FBN3: variants seen among roughly 807,000 people sequenced by gnomAD.
FBN3 encodes the protein fibrillin-3.
FBN3 carries 234 observed loss-of-function variants against 330.1 expected under a neutral mutation model. The ratio of observed to expected loss-of-function variants is 0.71; its 90% CI spans 0.64 to 0.79. The LOEUF is 0.79. Among genes scored for constraint, FBN3 ranks in the 30% least tolerant of loss-of-function variants. FBN3 has a pLI of 0.00. For missense variants in FBN3, 3,606 were observed against 3,886.9 expected (o/e 0.93, Z 1.92); for synonymous variants, 1,458 against 1,517.3 (o/e 0.96, Z 0.91).
At chr19:8,145,700 A>AGG (rs2083524561) in intron 5 of FBN3, 143 bp downstream of exon 5, 2 of 537,060 alleles carry the variant, frequency 3.7e-6, no homozygotes, top group Non-Finnish European at 6.4e-6. Flanking sequence ...AAAAAAAAAA[A>AGG]GAGACTGTGG....
rs145578557 is a variant in FBN3 at position 8,118,920 on chromosome 19, G to A, written c.3314C>T (p.Thr1105Met). Reference sequence around the variant, plus strand: ...ACCCTCACAGGCAGTGCCCTTGGCCGTCAGCTCATGCCCAGGGGGACACTG... The same window carrying A: ...ACCCTCACAGGCAGTGCCCTTGGCCATCAGCTCATGCCCAGGGGGACACTG... ...KCQCPPGHEL[T>M]AKGTACEDID... Residue 1105 changes from threonine (T) to methionine (M), a missense_variant, in exon 26 of 64, where the codon ACG becomes ATG. Thr to Met is a moderately conservative substitution (Grantham distance 81, BLOSUM62 -1). Coordinates refer to ENST00000600128, the MANE Select transcript of FBN3 (RefSeq NM_032447.5). The A allele has an allele frequency of 4.0e-5, 65 of 1,612,482 alleles. 1 individual carries two copies. The highest frequency in any genetic ancestry group is 5.0e-5 in the Admixed American group (3 of 59,986).
chr19:8,135,561 T>C (rs2144998207), intron 13 of FBN3, among the ~76,000 whole-genome samples: 2 of 131,812 alleles, frequency 1.5e-5, no homozygotes, highest in South Asian at 2.2e-4. Flanking sequence ...CACTCGGACT[T>C]CTTTTTTTTT....
At chr19:8,086,746 G>C (rs1372957189) in intron 54 of FBN3, among the ~76,000 whole-genome samples, 1 of 151,468 alleles carries the variant, frequency 6.6e-6, no homozygotes, top group South Asian at 2.1e-4. Flanking sequence ...AGGATTACAG[G>C]CGTGAGGCAC....
chr19:8,087,766 G>A (rs891419040), intron 53 of FBN3, 59 bp downstream of exon 53: 6 of 1,477,554 alleles, frequency 4.1e-6, no homozygotes, highest in Non-Finnish European at 5.7e-6. Flanking sequence ...GTGCCACCAT[G>A]CCCAGCTAAT....
chr19:8,120,165 CT>C (rs34799960), intron 25 of FBN3, among the ~76,000 whole-genome samples: 496 of 127,840 alleles, frequency 3.9e-3, no homozygotes, highest in Middle Eastern at 0.016. Flanking sequence ...TTCTTTCTTT[CT>C]TTTTTTTTTT....
In FBN3 at chr19:8,136,072, T is replaced by A. The variant is rs747184956; in HGVS notation, c.1480A>T (p.Ile494Phe). The change falls in exon 13 of 64, where the codon ATT (isoleucine) becomes TTT (phenylalanine). Residue 494 changes from isoleucine (I) to phenylalanine (F), a missense_variant. Physicochemically the swap from Ile to Phe is conservative, Grantham distance 21 (BLOSUM62 0). Coordinates refer to ENST00000600128, the MANE Select transcript of FBN3 (RefSeq NM_032447.5). ...AGGTGACAAAGGCCACCACTGACAATGCACTCGTCCACATCTGCGGGGAAG... is the reference window on the plus strand; with the variant it reads ...AGGTGACAAAGGCCACCACTGACAAAGCACTCGTCCACATCTGCGGGGAAG... The part of the protein sequence containing the change: ...RQACVDVDEC[I>F]VSGGLCHLGR... The A allele has an allele frequency of 1.9e-6, 3 of 1,613,980 alleles. No homozygotes were observed. Among genetic ancestry groups the A allele is most frequent in the Non-Finnish European group, 1.7e-6 (2 of 1,179,942 alleles).
chr19:8,081,397 G>T lies in FBN3; in HGVS notation c.7297C>A (p.Arg2433=), dbSNP rs1599282447. 1 of 1,611,846 alleles carries T rather than the reference G, an allele frequency of 6.2e-7. No individual in the cohort carries two copies. The highest frequency in any genetic ancestry group is 2.2e-5 in the East Asian group (1 of 44,878). The part of the protein sequence containing the change: ...TKGSFLCSCP[R]GYLLEEDGRT... ...CCATCCTCCTCCAGCAGGTAGCCTCGGGGACAGCTGCACAGGAAACTGCCC... is the reference window on the plus strand; with the variant it reads ...CCATCCTCCTCCAGCAGGTAGCCTCTGGGACAGCTGCACAGGAAACTGCCC... Residue 2433 remains arginine (R), a synonymous_variant, in exon 58 of 64, where the codon CGA becomes AGA. Coordinates refer to ENST00000600128, the MANE Select transcript of FBN3 (RefSeq NM_032447.5).
chr19:8,119,672 C>G lies in FBN3; in HGVS notation c.3212-650G>C, dbSNP rs530916868. Among the ~76,000 whole-genome samples the G allele has an allele frequency of 2.0e-5, 3 of 152,024 alleles. No homozygotes were observed. In the South Asian group the frequency reaches 6.2e-4, roughly 32 times the overall value. On this transcript the variant is annotated intron_variant, in intron 25 of 63. Transcript: ENST00000600128. ...GGGATTACAGGCATGCATCACCAAG[C>G]CCAGCTAATTTTTGTATTTTTAGTA... is the stretch of plus-strand genomic sequence containing the variant.
chr19:8,083,333 T>C lies in FBN3; in HGVS notation c.7127A>G (p.His2376Arg). 3 of 1,614,002 alleles carry C rather than the reference T, an allele frequency of 1.9e-6. No homozygotes were observed. Among genetic ancestry groups the C allele is most frequent in the Non-Finnish European group, 2.5e-6 (3 of 1,179,986 alleles). Residue 2376 changes from histidine to arginine, a missense_variant, in exon 57 of 64, where the codon CAT becomes CGT. Physicochemically the swap from His to Arg is conservative, Grantham distance 29. Coordinates refer to ENST00000600128, the MANE Select transcript of FBN3 (RefSeq NM_032447.5). ...ECRMLAHLCA[H>R]GECINSLGSF... is the part of the protein sequence containing the mutation. Reference sequence around the variant, plus strand: ...GCCAAGGCTGTTGATGCACTCCCCATGAGCACACAGGTGAGCAAGCATACG... The same window carrying C: ...GCCAAGGCTGTTGATGCACTCCCCACGAGCACACAGGTGAGCAAGCATACG...
chr19:8,134,731 C>G (rs991355307), intron 13 of FBN3, among the ~76,000 whole-genome samples: 1 of 151,286 alleles, frequency 6.6e-6, no homozygotes, highest in Non-Finnish European at 1.5e-5. Flanking sequence ...GTCAGGAGTT[C>G]GAGACCAGCC....
intron 57 of FBN3, among the ~76,000 whole-genome samples, chr19:8,082,665 C>T (rs959512281): frequency 1.3e-5 from 2 of 151,886 alleles, no homozygotes; most frequent in South Asian, 2.1e-4. Context: ...AGCTAATTTT[C>T]GTATTTTTAG....
intron 59 of FBN3, 103 bp downstream of exon 59, chr19:8,080,900 G>A: frequency 1.3e-6 from 1 of 787,804 alleles, no homozygotes; most frequent in Non-Finnish European, 2.1e-6. Flanking sequence ...GGGATTACAG[G>A]CGTGAGCCAT....
intron 41 of FBN3, among the ~76,000 whole-genome samples, chr19:8,100,593 C>T (rs1599340261): frequency 6.6e-6 from 1 of 152,284 alleles, no homozygotes; most frequent in African/African-American, 2.4e-5. Flanking sequence ...CCACCTCGGC[C>T]TCCCAAAGTG....
At chr19:8,130,476 A>C (rs2144960025) in intron 16 of FBN3, among the ~76,000 whole-genome samples, 1 of 143,496 alleles carries the variant, frequency 7.0e-6, no homozygotes, top group East Asian at 2.0e-4. Context: ...ACGCCACTGC[A>C]CTCCAGCCTG....
chr19:8,073,000 T>TGCGTGC, intron 62 of FBN3, 63 bp downstream of exon 62: 6 of 916,330 alleles, frequency 6.5e-6, no homozygotes, highest in Admixed American at 2.0e-5. Context: ...TGTGTGTGTG[T>TGCGTGC]GTGCGTGCGT....
At position 8,131,310 on chromosome 19, in the gene FBN3, G is replaced by A. The variant is rs1426379382; in HGVS notation, c.1991-22C>T. On this transcript the variant is annotated intron_variant, in intron 15 of 63. Coordinates refer to ENST00000600128, the MANE Select transcript of FBN3 (RefSeq NM_032447.5). The surrounding 1 kb of genome is among the most constrained non-coding windows in gnomAD (Gnocchi z 4.5). ...TCAGCTGGGGATGGAGGGACAGAGT[G>A]AGACGGGTCAGGGAGCTTAGCCATG... 1 of 1,610,726 alleles carries A rather than the reference G, an allele frequency of 6.2e-7. No homozygotes were observed. Among genetic ancestry groups the A allele is most frequent in the African/African-American group, 1.3e-5 (1 of 75,040 alleles).
chr19:8,101,160 T>C (rs578152505), intron 40 of FBN3, among the ~76,000 whole-genome samples, 188 bp from the exon 41 acceptor site: 60 of 152,222 alleles, frequency 3.9e-4, no homozygotes, highest in Non-Finnish European at 7.9e-4. Context: ...AGTCTCGTTC[T>C]GTCACCCAGG....
chr19:8,079,203 C>A (rs993073371), intron 59 of FBN3, among the ~76,000 whole-genome samples: 11 of 152,052 alleles, frequency 7.2e-5, no homozygotes, highest in Non-Finnish European at 1.5e-4. Flanking sequence ...TGTGAATAGC[C>A]ACTGTACTCC....
intron 36 of FBN3, 97 bp from the exon 37 acceptor site, chr19:8,108,335 G>A (rs534756109): frequency 3.2e-6 from 3 of 923,962 alleles, no homozygotes; most frequent in East Asian, 2.5e-5. Context: ...GGGCTCAAGA[G>A]TGGGCTCCCA....
Sources: gnomAD v4.1 joint callset for allele counts (sites outside exome capture counted in the v4.1 genomes callset) on GRCh38, gnomAD v4.1.1 for gene constraint, Gnocchi (gnomAD v3.1) non-coding constraint, MANE v1.5 for transcripts, NCBI Gene and HGNC (gene_info 2026-07-23, HGNC 2026-07-21) for gene names.